The following GNB1 variants were observed in gnomAD, a reference collection of about 807,000 sequenced individuals.
GNB1 encodes guanine nucleotide-binding protein G(I)/G(S)/G(T) subunit beta-1.
Under a neutral mutation model 42.9 loss-of-function variants are expected in GNB1, and 2 were observed. The observed-to-expected ratio is 0.05, with a 90% CI of 0.02 to 0.15. GNB1 has a LOEUF of 0.15. Ranked by LOEUF, GNB1 falls within the 10% of genes least tolerant of loss-of-function variation. The probability of loss-of-function intolerance (pLI) is 1.00; values close to 1 mark genes in which losing one functional copy is unlikely to be tolerated. For synonymous variants in GNB1, 183 were observed against 174.7 expected (o/e 1.05, Z -0.38); for missense variants, 193 against 462.2 (o/e 0.42, Z 5.34).
At chr1:1,801,112 C>T (rs993148952) in intron 7 of GNB1, among the ~76,000 whole-genome samples, 2 of 152,358 alleles carry the variant, frequency 1.3e-5, no homozygotes, top group East Asian at 1.9e-4. Flanking sequence ...CTCACTGCAA[C>T]CTCCGCTTCA....
intron 7 of GNB1, among the ~76,000 whole-genome samples, chr1:1,796,864 G>C (rs1340159244): frequency 6.6e-6 from 1 of 152,182 alleles, no homozygotes; most frequent in African/African-American, 2.4e-5. Flanking sequence ...TAGGGACAAG[G>C]CTGTTAAAGT....
At chr1:1,813,305 G>A (rs530538297) in intron 5 of GNB1, among the ~76,000 whole-genome samples, 1 of 152,000 alleles carries the variant, frequency 6.6e-6, no homozygotes, top group African/African-American at 2.4e-5. Context: ...ATGGGGTTTC[G>A]CCATGTTGGC....
At chr1:1,874,110 C>G (rs1649396122) in intron 1 of GNB1, among the ~76,000 whole-genome samples, 1 of 152,212 alleles carries the variant, frequency 6.6e-6, no homozygotes, top group Non-Finnish European at 1.5e-5. Flanking sequence ...CGATCCATCC[C>G]TGTGGAAGCT....
At chr1:1,886,415 T>C (rs1042580538) in intron 1 of GNB1, among the ~76,000 whole-genome samples, 4 of 152,208 alleles carry the variant, frequency 2.6e-5, no homozygotes, top group African/African-American at 7.2e-5. Flanking sequence ...ACAAAATGCA[T>C]AGCTTTGAAA....
chr1:1,807,498 CAGAA>C (rs377492637), intron 5 of GNB1, among the ~76,000 whole-genome samples: 124 of 78,114 alleles, frequency 1.6e-3, no homozygotes, highest in African/African-American at 6.1e-3. Flanking sequence ...AAAAAACAAA[CAGAA>C]AGAACAAACC....
chr1:1,869,748 A>G (rs1649147539), intron 1 of GNB1, among the ~76,000 whole-genome samples: 1 of 152,224 alleles, frequency 6.6e-6, no homozygotes, highest in Non-Finnish European at 1.5e-5. Flanking sequence ...AGGTCAATAT[A>G]TACAAAAACT....
chr1:1,884,735 T>C (rs1174934419), intron 1 of GNB1, among the ~76,000 whole-genome samples: 1 of 151,340 alleles, frequency 6.6e-6, no homozygotes, highest in East Asian at 2.0e-4. Context: ...CAGGCTGGAG[T>C]GCAGTGGCGC....
chr1:1,809,890 C>T (rs1570649626), intron 5 of GNB1, among the ~76,000 whole-genome samples: 1 of 152,164 alleles, frequency 6.6e-6, no homozygotes, highest in African/African-American at 2.4e-5. Flanking sequence ...TAACAGGCTC[C>T]AGGACCCTGA....
At chr1:1,835,645 G>C (rs1474667591) in intron 2 of GNB1, among the ~76,000 whole-genome samples, 1 of 152,168 alleles carries the variant, frequency 6.6e-6, no homozygotes, top group Non-Finnish European at 1.5e-5. Context: ...TAATCAGATA[G>C]ATGTGATACT....
chr1:1,859,025 C>CTT (rs34852120), intron 1 of GNB1, among the ~76,000 whole-genome samples: 13 of 141,610 alleles, frequency 9.2e-5, no homozygotes, highest in African/African-American at 3.1e-4. Context: ...TATTTATTTT[C>CTT]TTTTTTTTTT....
chr1:1,806,089 A>G (rs1646692318), intron 6 of GNB1, among the ~76,000 whole-genome samples: 1 of 152,230 alleles, frequency 6.6e-6, no homozygotes, highest in Non-Finnish European at 1.5e-5. Context: ...TTAAAGTATG[A>G]TGTCTTTCAG....
chr1:1,873,797 G>A (rs557724247), intron 1 of GNB1, among the ~76,000 whole-genome samples: 4 of 151,990 alleles, frequency 2.6e-5, no homozygotes, highest in East Asian at 3.9e-4. Context: ...CAGCCTGGGC[G>A]ACAGAGCAAG....
At chr1:1,874,706 G>C (rs1287142680) in intron 1 of GNB1, among the ~76,000 whole-genome samples, 1 of 150,504 alleles carries the variant, frequency 6.6e-6, no homozygotes, top group Non-Finnish European at 1.5e-5. Context: ...CAGGAGAATT[G>C]CTTGAGCCTG....
intron 7 of GNB1, 74 bp from the exon 8 acceptor site, chr1:1,793,385 C>A (rs1646506483): frequency 3.1e-6 from 3 of 973,072 alleles, no homozygotes; most frequent in Non-Finnish European, 4.9e-6. Flanking sequence ...TAGAGAAACA[C>A]ATTGGCCCGG....
chr1:1,850,125 C>A (rs1647901547), intron 1 of GNB1, among the ~76,000 whole-genome samples: 1 of 151,856 alleles, frequency 6.6e-6, no homozygotes, highest in Non-Finnish European at 1.5e-5. Flanking sequence ...GCCACCACAC[C>A]CAGCTAATTT....
intron 1 of GNB1, among the ~76,000 whole-genome samples, chr1:1,845,441 C>T (rs762982737): frequency 2.0e-5 from 3 of 152,006 alleles, no homozygotes; most frequent in African/African-American, 4.8e-5. Context: ...GGTGGGATGG[C>T]GGGCGCCTGT....
chr1:1,850,680 C>T (rs1393553515), intron 1 of GNB1, among the ~76,000 whole-genome samples: 1 of 152,080 alleles, frequency 6.6e-6, no homozygotes, highest in Non-Finnish European at 1.5e-5. Flanking sequence ...CAATCTTTTA[C>T]CACATCCATC....
At chr1:1,866,977 C>T (rs1648977365) in intron 1 of GNB1, among the ~76,000 whole-genome samples, 1 of 151,358 alleles carries the variant, frequency 6.6e-6, no homozygotes, top group South Asian at 2.1e-4. Flanking sequence ...AAAAAAACCT[C>T]AATTCTAGGC....
intron 1 of GNB1, among the ~76,000 whole-genome samples, chr1:1,861,057 G>A (rs1306262909): frequency 2.0e-5 from 3 of 146,794 alleles, no homozygotes; most frequent in Admixed American, 7.1e-5. Context: ...GCAGTAAGCC[G>A]AGATGCTGCC....
Sources: allele counts gnomAD v4.1 joint callset (sites outside exome capture counted in the v4.1 genomes callset), GRCh38; gene constraint gnomAD v4.1.1; transcripts MANE v1.5; gene names NCBI Gene and HGNC (gene_info 2026-07-23, HGNC 2026-07-21).